Variants in C14orf39 observed in about 807,000 individuals in gnomAD.
C14orf39 encodes the protein protein SIX6OS1.
In C14orf39, 66 loss-of-function variants were observed where a neutral mutation model predicts 85.6. That is an observed-to-expected ratio of 0.77 (90% confidence interval 0.63 to 0.95). The LOEUF (loss-of-function observed/expected upper bound fraction) is 0.95. Among genes scored for constraint, C14orf39 ranks in the 40% least tolerant of loss-of-function variants. C14orf39 has a pLI of 0.00. For missense variants in C14orf39, 735 were observed against 663.9 expected (o/e 1.11, Z -1.18); for synonymous variants, 242 against 214.0 (o/e 1.13, Z -1.14).
chr14:60,496,505 C>G, intron 2 of C14orf39: 1 of 241,742 alleles, frequency 4.1e-6, no homozygotes. Flanking sequence ...ACCATTCTTA[C>G]TGCTTGGACT....
At chr14:60,471,121 TG>T (rs2140121134) in intron 7 of C14orf39, among the ~76,000 whole-genome samples, 1 of 151,988 alleles carries the variant, frequency 6.6e-6, no homozygotes, top group South Asian at 2.1e-4. Context: ...GCAATTTAAC[TG>T]GAATTTTCTT....
At chr14:60,480,590 A>C (rs1269401273) in intron 4 of C14orf39, among the ~76,000 whole-genome samples, 1 of 152,186 alleles carries the variant, frequency 6.6e-6, no homozygotes, top group East Asian at 1.9e-4. Context: ...TGATCCAGCC[A>C]TCCCACTTTT....
chr14:60,449,464 C>G (rs1338304279), intron 16 of C14orf39, among the ~76,000 whole-genome samples: 1 of 152,054 alleles, frequency 6.6e-6, no homozygotes, highest in African/African-American at 2.4e-5. Flanking sequence ...ATTTTCTAGC[C>G]CATACCATTG....
intron 15 of C14orf39, among the ~76,000 whole-genome samples, chr14:60,456,550 T>A (rs538878789): frequency 4.9e-4 from 74 of 151,970 alleles, no homozygotes; most frequent in African/African-American, 1.8e-3. Context: ...GCCACTATGC[T>A]AGGCTTAGCT....
chr14:60,460,515 A>C (rs1381933284), intron 13 of C14orf39, among the ~76,000 whole-genome samples: 6 of 151,872 alleles, frequency 4.0e-5, no homozygotes, highest in African/African-American at 1.4e-4. Flanking sequence ...ACTTCAAAAC[A>C]AAAGTCAGTT....
intron 5 of C14orf39, 136 bp from the exon 6 acceptor site, chr14:60,471,875 C>G: frequency 1.8e-6 from 1 of 550,554 alleles, no homozygotes; most frequent in Non-Finnish European, 3.1e-6. Context: ...ATATTGTCTG[C>G]CCTTTAGACT....
At chr14:60,512,740 G>A (rs1051598742) in intron 1 of C14orf39, 4 of 152,132 alleles carry the variant, frequency 2.6e-5, no homozygotes, top group East Asian at 1.9e-4. Context: ...CATATACAAC[G>A]CAAAAACATC....
At chr14:60,460,467 A>G (rs1463134975) in intron 13 of C14orf39, among the ~76,000 whole-genome samples, 1 of 151,938 alleles carries the variant, frequency 6.6e-6, no homozygotes, top group Non-Finnish European at 1.5e-5. Context: ...TTCTAAATAT[A>G]TATCTATTTC....
intron 4 of C14orf39, among the ~76,000 whole-genome samples, chr14:60,482,596 T>C (rs147609976): frequency 9.5e-4 from 144 of 152,318 alleles, no homozygotes; most frequent in African/African-American, 2.9e-3. Flanking sequence ...GCATACTCTT[T>C]AGCAATTTCA....
intron 11 of C14orf39, among the ~76,000 whole-genome samples, chr14:60,464,318 GAA>G (rs1416178219): frequency 3.3e-5 from 5 of 152,102 alleles, no homozygotes; most frequent in African/African-American, 1.2e-4. Flanking sequence ...ACCTACTTTA[GAA>G]TTTTATGGCA....
upstream of C14orf39, among the ~76,000 whole-genome samples, chr14:60,490,455 A>C (rs746757032): frequency 0.039 from 3,949 of 100,654 alleles, 78 homozygotes; most frequent in Middle Eastern, 0.067. Flanking sequence ...AAATAAATGA[A>C]TAAATAAATA....
At chr14:60,502,324 G>C (rs1433365668) in intron 1 of C14orf39, among the ~76,000 whole-genome samples, 1 of 151,970 alleles carries the variant, frequency 6.6e-6, no homozygotes, top group African/African-American at 2.4e-5. Context: ...ACATAAATAT[G>C]AATTATTACA....
upstream of C14orf39, among the ~76,000 whole-genome samples, chr14:60,487,190 T>C (rs911081588): frequency 3.9e-5 from 6 of 152,178 alleles, no homozygotes; most frequent in Non-Finnish European, 7.3e-5. Context: ...TTAACTATAG[T>C]CACCATGCTG....
intron 3 of C14orf39, among the ~76,000 whole-genome samples, 173 bp from the exon 4 acceptor site, chr14:60,483,990 C>A (rs538972502): frequency 1.7e-3 from 258 of 152,186 alleles, no homozygotes; most frequent in Non-Finnish European, 2.6e-3. Context: ...AGAACCAGGG[C>A]CAGGCCTGAT....
Position 60,436,875 on chromosome 14 carries a change from T to A in C14orf39, c.1734A>T (p.Ser578=), listed in dbSNP as rs753743879. The A allele has an allele frequency of 2.5e-6, 4 of 1,611,466 alleles. No individual in the cohort carries two copies. The highest frequency in any genetic ancestry group is 2.5e-6 in the Non-Finnish European group (3 of 1,178,240). ...SSSLKGFSSS[S]QNTTQFTFF ...AAAAAGTAAACTGTGTTGTATTTTG[T>A]GAGGAAGATGAAAAACCTTTTAAAG... Residue 578 remains serine, a synonymous_variant, in exon 18 of 18, where the codon TCA becomes TCT. Coordinates refer to ENST00000321731, the MANE Select transcript of C14orf39 (RefSeq NM_174978.3).
chr14:60,469,710 G>A, intron 7 of C14orf39, 57 bp from the exon 8 acceptor site: 1 of 736,164 alleles, frequency 1.4e-6, no homozygotes, highest in Non-Finnish European at 2.0e-6. Flanking sequence ...TAATATATGT[G>A]CCATATCAGA....
intron 7 of C14orf39, among the ~76,000 whole-genome samples, chr14:60,470,023 T>C (rs1340588295): frequency 2.0e-5 from 3 of 151,298 alleles, no homozygotes; most frequent in Non-Finnish European, 4.4e-5. Flanking sequence ...TTTAACTTCT[T>C]ATGCTTCCAT....
chr14:60,439,161 A>G (rs113255141), intron 17 of C14orf39, among the ~76,000 whole-genome samples: 95 of 152,352 alleles, frequency 6.2e-4, no homozygotes, highest in African/African-American at 2.2e-3. Context: ...AAAATATCAC[A>G]TGGACCCCAT....
chr14:60,478,806 T>G (rs1351870998), intron 4 of C14orf39, among the ~76,000 whole-genome samples: 1 of 152,050 alleles, frequency 6.6e-6, no homozygotes. Flanking sequence ...TAAAGAGAGG[T>G]TTTTTTGCTC....
Sources: allele counts gnomAD v4.1 joint callset (sites outside exome capture counted in the v4.1 genomes callset), GRCh38; gene constraint gnomAD v4.1.1; transcripts MANE v1.5; gene names NCBI Gene and HGNC (gene_info 2026-07-23, HGNC 2026-07-21).